NXPE2: variants seen among roughly 807,000 people sequenced by gnomAD.
NXPE2 encodes NXPE family member 2.
A neutral mutation model predicts 34.4 loss-of-function variants in NXPE2; 34 were observed. The ratio of observed to expected loss-of-function variants is 0.99; its 90% CI spans 0.75 to 1.31. NXPE2 has a LOEUF of 1.31. Ranked by LOEUF, NXPE2 falls within the 40% of genes most tolerant of loss-of-function variation. The pLI, the probability that NXPE2 is intolerant of heterozygous loss-of-function variation, is 0.00. For synonymous variants in NXPE2, 235 were observed against 231.3 expected (o/e 1.02, Z -0.15); for missense variants, 649 against 672.5 (o/e 0.97, Z 0.39).
the NXPE2 span, among the ~76,000 whole-genome samples, chr11:114,657,799 A>T: frequency 6.6e-6 from 1 of 152,204 alleles, no homozygotes; most frequent in Non-Finnish European, 1.5e-5. Context: ...TCATTAATTT[A>T]GTTAAATATA....
At chr11:114,469,579 T>C in the NXPE2 span, among the ~76,000 whole-genome samples, 2 of 151,782 alleles carry the variant, frequency 1.3e-5, no homozygotes, top group Non-Finnish European at 2.9e-5. Flanking sequence ...AACCTCCGCC[T>C]CCCGGGTTCA....
At chr11:114,471,219 T>C in the NXPE2 span, among the ~76,000 whole-genome samples, 29 of 152,304 alleles carry the variant, frequency 1.9e-4, no homozygotes, top group South Asian at 5.4e-3. Context: ...GCCAAAGGCA[T>C]AAAAATTTCG....
At chr11:114,710,136 A>G (rs1382147229), downstream of NXPE2, among the ~76,000 whole-genome samples, 8 of 152,174 alleles carry the variant, frequency 5.3e-5, no homozygotes, top group Non-Finnish European at 8.8e-5. Flanking sequence ...AAATGCTTAC[A>G]TGAAAAAAGA....
chr11:114,535,367 C>T, the NXPE2 span, among the ~76,000 whole-genome samples: 1 of 152,188 alleles, frequency 6.6e-6, no homozygotes, highest in Non-Finnish European at 1.5e-5. Flanking sequence ...GAAGAAACTA[C>T]ATCAACTAAC....
the NXPE2 span, among the ~76,000 whole-genome samples, chr11:114,601,977 TTA>T: frequency 1.1e-5 from 1 of 87,852 alleles, no homozygotes; most frequent in African/African-American, 4.6e-5. Flanking sequence ...ATATATTCTG[TTA>T]TATATAATAT....
the NXPE2 span, among the ~76,000 whole-genome samples, chr11:114,540,837 CTTTTTTTTTT>C: frequency 6.3e-5 from 3 of 47,414 alleles, no homozygotes; most frequent in South Asian, 7.7e-4. Flanking sequence ...AGAAAGCCAT[CTTTTTTTTTT>C]TTTTTTTTTT....
the NXPE2 span, among the ~76,000 whole-genome samples, chr11:114,635,515 G>T: frequency 1.3e-5 from 2 of 151,994 alleles, no homozygotes; most frequent in South Asian, 2.1e-4. Flanking sequence ...AATAGGAGTG[G>T]TGAGAGAGGG....
At chr11:114,485,844 G>T in the NXPE2 span, among the ~76,000 whole-genome samples, 4 of 151,952 alleles carry the variant, frequency 2.6e-5, no homozygotes, top group Admixed American at 2.6e-4. Flanking sequence ...TGTTTTTTAC[G>T]GCTAAATAGT....
At chr11:114,666,670 C>T in the NXPE2 span, among the ~76,000 whole-genome samples, 1 of 151,988 alleles carries the variant, frequency 6.6e-6, no homozygotes, top group Non-Finnish European at 1.5e-5. Flanking sequence ...AAATATTATT[C>T]ATGGTTTCAC....
At chr11:114,498,943 C>G in the NXPE2 span, among the ~76,000 whole-genome samples, 1 of 152,020 alleles carries the variant, frequency 6.6e-6, no homozygotes, top group Non-Finnish European at 1.5e-5. Flanking sequence ...TGCTCTGGAA[C>G]AATTTAAATT....
At chr11:114,769,283 A>G in the NXPE2 span, among the ~76,000 whole-genome samples, 1 of 150,252 alleles carries the variant, frequency 6.7e-6, no homozygotes, top group Non-Finnish European at 1.5e-5. Context: ...GCCAGTTAGA[A>G]TGGCAATCAT....
chr11:114,560,882 G>C, the NXPE2 span, among the ~76,000 whole-genome samples: 2 of 152,190 alleles, frequency 1.3e-5, no homozygotes, highest in African/African-American at 4.8e-5. Context: ...ACAGTGTGTA[G>C]CTGTCCCAGA....
the NXPE2 span, among the ~76,000 whole-genome samples, chr11:114,644,422 A>G: frequency 2.0e-5 from 3 of 152,324 alleles, no homozygotes; most frequent in Admixed American, 6.5e-5. Context: ...ATTTTGAGAT[A>G]TAGTCCATCA....
At chr11:114,639,837 TAAATATA>T in the NXPE2 span, among the ~76,000 whole-genome samples, 1 of 113,626 alleles carries the variant, frequency 8.8e-6, no homozygotes, top group Non-Finnish European at 1.6e-5. Context: ...TATATTATAT[TAAATATA>T]AAATATAATA....
the NXPE2 span, among the ~76,000 whole-genome samples, chr11:114,625,836 A>C: frequency 1.6e-4 from 25 of 152,124 alleles, no homozygotes; most frequent in Non-Finnish European, 4.4e-5. Context: ...TGCAAGCTGA[A>C]GCATGGTGAG....
At chr11:114,647,705 ATTT>A in the NXPE2 span, among the ~76,000 whole-genome samples, 1 of 147,454 alleles carries the variant, frequency 6.8e-6, no homozygotes, top group African/African-American at 2.5e-5. Flanking sequence ...ATTTTATTTT[ATTT>A]TTTTTTTTTT....
chr11:114,583,688 A>G, the NXPE2 span: 3 of 579,186 alleles, frequency 5.2e-6, no homozygotes, highest in Non-Finnish European at 1.0e-5. Flanking sequence ...AAAGAAGTTC[A>G]AGGCATCTGG....
the NXPE2 span, among the ~76,000 whole-genome samples, chr11:114,645,973 C>T: frequency 1.3e-5 from 2 of 151,980 alleles, no homozygotes; most frequent in Admixed American, 6.6e-5. Flanking sequence ...TGTATATAGC[C>T]TTTGACTCAG....
At chr11:114,516,167 G>A in the NXPE2 span, among the ~76,000 whole-genome samples, 1 of 152,150 alleles carries the variant, frequency 6.6e-6, no homozygotes, top group Non-Finnish European at 1.5e-5. Context: ...TGTTTGGGGT[G>A]GGGGTGTGCT....
Sources: gnomAD v4.1 joint callset for allele counts (sites outside exome capture counted in the v4.1 genomes callset) on GRCh38, gnomAD v4.1.1 for gene constraint, MANE v1.5 for transcripts, NCBI Gene and HGNC (gene_info 2026-07-23, HGNC 2026-07-21) for gene names.